The following SGTB variants were observed in gnomAD, a reference collection of about 807,000 sequenced individuals.
SGTB encodes the protein small glutamine rich tetratricopeptide repeat co-chaperone beta.
In SGTB, 19 loss-of-function variants were observed where a neutral mutation model predicts 43.9. The ratio of observed to expected loss-of-function variants is 0.43; its 90% CI spans 0.30 to 0.63. The LOEUF (loss-of-function observed/expected upper bound fraction) is 0.63, where lower values mean the gene tolerates loss of function less well. Ranked by LOEUF, SGTB falls within the 30% of genes least tolerant of loss-of-function variation. The probability of loss-of-function intolerance (pLI) is 0.12; values close to 1 mark genes in which losing one functional copy is unlikely to be tolerated. For synonymous variants in SGTB, 116 were observed against 117.3 expected (o/e 0.99, Z 0.07); for missense variants, 304 against 358.9 (o/e 0.85, Z 1.24).
Position 65,671,958 on chromosome 5 carries a change from C to A in SGTB, c.760G>T (p.Ala254Ser). The A allele has an allele frequency of 5.0e-6, 8 of 1,614,042 alleles. No homozygotes were observed. Among genetic ancestry groups the A allele is most frequent in the Non-Finnish European group, 6.8e-6 (8 of 1,179,970 alleles). ...MMTNAIGGPAAGVGGLTDLSS... is the reference protein window; with the variant it reads ...MMTNAIGGPASGVGGLTDLSS... ...AGGTCAGTTAGGCCCCCAACTCCAG[C>A]AGCAGGTCCCCCAATGGCATTTGTC... The change falls in exon 10 of 11, where the codon GCT becomes TCT. Residue 254 changes from alanine (A) to serine (S), a missense_variant. Transcript: ENST00000381007.
At chr5:65,679,430 A>G (rs1173232950) in intron 8 of SGTB, among the ~76,000 whole-genome samples, 1 of 152,174 alleles carries the variant, frequency 6.6e-6, no homozygotes, top group Non-Finnish European at 1.5e-5. Context: ...TAGCCTGGTC[A>G]GCATGGTGAA....
At chr5:65,673,749 G>A (rs550942149) in intron 8 of SGTB, among the ~76,000 whole-genome samples, 93 of 151,488 alleles carry the variant, frequency 6.1e-4, no homozygotes, top group African/African-American at 2.0e-3. Context: ...TCTGCCTCCC[G>A]GAGTCAAGTG....
chr5:65,691,352 C>T (rs976068417), intron 5 of SGTB, among the ~76,000 whole-genome samples: 2 of 152,108 alleles, frequency 1.3e-5, no homozygotes. Context: ...AAGGCTACAA[C>T]AGGGAAAGTA....
intron 3 of SGTB, among the ~76,000 whole-genome samples, chr5:65,709,264 A>G (rs1757998292): frequency 6.6e-6 from 1 of 152,168 alleles, no homozygotes; most frequent in African/African-American, 2.4e-5. Flanking sequence ...CACAATCTAC[A>G]AAAAATCATT....
At chr5:65,717,832 C>A (rs1758179957) in intron 2 of SGTB, among the ~76,000 whole-genome samples, 1 of 152,064 alleles carries the variant, frequency 6.6e-6, no homozygotes, top group South Asian at 2.1e-4. Flanking sequence ...TGTTTTGCTC[C>A]ATTTATTTAC....
Position 65,690,214 on chromosome 5 carries a change from G to A in SGTB, c.375-4742C>T, listed in dbSNP as rs942953841. On this transcript the variant is annotated intron_variant, in intron 5 of 10. Coordinates refer to ENST00000381007, the MANE Select transcript of SGTB (RefSeq NM_019072.3). Reference sequence around the variant, plus strand: ...ACACTTTGGGAGGTCAAGGCCAAGAGGATCACTTGAGTCCAGGAGTTTGAG... The same window carrying A: ...ACACTTTGGGAGGTCAAGGCCAAGAAGATCACTTGAGTCCAGGAGTTTGAG... Among the ~76,000 whole-genome samples the A allele has an allele frequency of 2.6e-5, 4 of 152,172 alleles. No homozygotes were observed. The East Asian group carries it at 5.8e-4, about 22-fold the overall frequency.
intron 5 of SGTB, among the ~76,000 whole-genome samples, chr5:65,695,070 A>C (rs1401132713): frequency 6.6e-6 from 1 of 151,994 alleles, no homozygotes; most frequent in Admixed American, 6.6e-5. Context: ...CACATCTTAG[A>C]AAAAAAACGT....
intron 6 of SGTB, among the ~76,000 whole-genome samples, chr5:65,683,612 T>C (rs1757441083): frequency 6.6e-6 from 1 of 151,632 alleles, no homozygotes; most frequent in African/African-American, 2.4e-5. Flanking sequence ...TCCAGTAAAG[T>C]GGAAGGGGAA....
At chr5:65,688,718 T>C (rs1480201871) in intron 5 of SGTB, among the ~76,000 whole-genome samples, 4 of 152,240 alleles carry the variant, frequency 2.6e-5, no homozygotes, top group African/African-American at 4.8e-5. Flanking sequence ...GAATGTTACC[T>C]AGCAAAAGTT....
intron 5 of SGTB, among the ~76,000 whole-genome samples, chr5:65,704,035 C>CAAAAAAAAAAAAAAAAAAAAA: frequency 7.5e-6 from 1 of 133,370 alleles, no homozygotes. Flanking sequence ...GACTCCGTCT[C>CAAAAAAAAAAAAAAAAAAAAA]AAAAAAAAAA....
intron 8 of SGTB, among the ~76,000 whole-genome samples, chr5:65,676,149 C>A (rs58183939): frequency 0.035 from 5,299 of 152,050 alleles, 315 homozygotes; most frequent in African/African-American, 0.12. Flanking sequence ...GGAAAATTTA[C>A]CAAGCAAATG....
At chr5:65,690,732 T>G (rs1182757476) in intron 5 of SGTB, among the ~76,000 whole-genome samples, 1 of 152,182 alleles carries the variant, frequency 6.6e-6, no homozygotes, top group African/African-American at 2.4e-5. Context: ...GTTCAGAAGT[T>G]AAACCTACAT....
At chr5:65,701,614 T>C (rs890163787) in intron 5 of SGTB, among the ~76,000 whole-genome samples, 3 of 151,028 alleles carry the variant, frequency 2.0e-5, no homozygotes, top group African/African-American at 7.3e-5. Flanking sequence ...AAGCCATATG[T>C]GGCTATTTAA....
intron 5 of SGTB, among the ~76,000 whole-genome samples, chr5:65,686,505 T>A (rs1757502069): frequency 6.6e-6 from 1 of 151,684 alleles, no homozygotes; most frequent in Non-Finnish European, 1.5e-5. Flanking sequence ...TATTCTCTCT[T>A]TACCCACATT....
chr5:65,717,492 C>G (rs10051938), intron 2 of SGTB, among the ~76,000 whole-genome samples: 1 of 150,146 alleles, frequency 6.7e-6, no homozygotes, highest in Non-Finnish European at 1.5e-5. Flanking sequence ...TAGAGGGGTT[C>G]CATTTAGAAA....
At chr5:65,678,669 CAG>C (rs1757328265) in intron 8 of SGTB, among the ~76,000 whole-genome samples, 1 of 152,108 alleles carries the variant, frequency 6.6e-6, no homozygotes, top group Non-Finnish European at 1.5e-5. Context: ...TGGAACAGAA[CAG>C]AGAACCCAGA....
chr5:65,718,674 A>G (rs1424706653), intron 2 of SGTB, among the ~76,000 whole-genome samples: 1 of 152,194 alleles, frequency 6.6e-6, no homozygotes, highest in Non-Finnish European at 1.5e-5. Context: ...AAAAATGTCT[A>G]GAAGGTGGGC....
intron 9 of SGTB, 23 bp from the exon 10 acceptor site, chr5:65,672,021 C>T (rs774006877): frequency 1.2e-6 from 2 of 1,610,672 alleles, no homozygotes; most frequent in Admixed American, 1.7e-5. Context: ...AGAAATACAT[C>T]ACTGGGATTG....
chr5:65,673,582 G>C (rs37328), intron 8 of SGTB, among the ~76,000 whole-genome samples: 44,555 of 151,820 alleles, frequency 0.29, 6,733 homozygotes, highest in Middle Eastern at 0.33. Flanking sequence ...CCTACACCCG[G>C]TATGGTCCAT....
Sources: gnomAD v4.1 joint callset for allele counts (sites outside exome capture counted in the v4.1 genomes callset) on GRCh38, gnomAD v4.1.1 for gene constraint, MANE v1.5 for transcripts, NCBI Gene and HGNC (gene_info 2026-07-23, HGNC 2026-07-21) for gene names.